MROH2A: variants seen among roughly 807,000 people sequenced by gnomAD.
The protein encoded by MROH2A is maestro heat-like repeat-containing protein family member 2A.
A neutral mutation model predicts 200.4 loss-of-function variants in MROH2A; 174 were observed. That is an observed-to-expected ratio of 0.87 (90% CI 0.77 to 0.98). The LOEUF (loss-of-function observed/expected upper bound fraction) is 0.98. Among genes scored for constraint, MROH2A ranks in the 50% least tolerant of loss-of-function variants. The pLI is 0.00. For missense variants in MROH2A, 2,045 were observed against 2,139.6 expected (o/e 0.96, Z 0.87); for synonymous variants, 829 against 840.4 (o/e 0.99, Z 0.23).
At chr2:233,802,401 C>T (rs2126129176) in intron 15 of MROH2A, 86 bp downstream of exon 15, 2 of 1,404,090 alleles carry the variant, frequency 1.4e-6, no homozygotes, top group African/African-American at 1.4e-5. Flanking sequence ...CCACATTCCT[C>T]CCACCCTCAT....
At chr2:233,813,824 G>T in intron 25 of MROH2A, 46 bp downstream of exon 25, 3 of 1,105,842 alleles carry the variant, frequency 2.7e-6, no homozygotes, top group Non-Finnish European at 4.0e-6. Context: ...GGACCTGGGA[G>T]TTAACATTAA....
chr2:233,777,451 T>C (rs1224377268), upstream of MROH2A, among the ~76,000 whole-genome samples: 17 of 152,206 alleles, frequency 1.1e-4, no homozygotes, highest in Admixed American at 1.1e-3. Flanking sequence ...GGGCATGGGA[T>C]AGCTGCTTGT....
rs575742221 is a variant in MROH2A, at chr2:233,794,454, C to G, written c.914C>G (p.Pro305Arg). ...DLREQVYDYI[P>R]LLLAEYQGSL... is the part of the protein sequence containing the mutation. ...CGGGAGCAGGTCTACGACTACATCC[C>G]CCTGCTGCTGGCGGAGTACCAGGGC... is the stretch of plus-strand genomic sequence containing the variant. The change falls in exon 8 of 42, where the codon CCC (proline) becomes CGC (arginine). Residue 305 changes from proline (P) to arginine (R), a missense_variant. By Grantham distance (103) the Pro-to-Arg change is moderately radical (BLOSUM62 -2). Coordinates refer to ENST00000389758, the MANE Select transcript of MROH2A (RefSeq NM_001394639.1). The G allele has an allele frequency of 6.5e-7, 1 of 1,550,282 alleles. No homozygotes were observed. Among genetic ancestry groups the G allele is most frequent in the Non-Finnish European group, 8.7e-7 (1 of 1,146,844 alleles).
At chr2:233,791,137 A>G (rs912204126) in intron 5 of MROH2A, among the ~76,000 whole-genome samples, 2 of 151,998 alleles carry the variant, frequency 1.3e-5, no homozygotes, top group African/African-American at 4.8e-5. Context: ...GATGAGGGGG[A>G]GCGTCAGGCA....
Position 233,816,780 on chromosome 2 carries a change from G to A in MROH2A, c.2857-1G>A. 1.9e-6 allele frequency: 3 copies of A among 1,549,224 alleles called. No homozygotes were observed. Among genetic ancestry groups the A allele is most frequent in the African/African-American group, 1.4e-5 (1 of 73,148 alleles). ...TTTGGTGTTCTGGGCTCTACCCATA[G>A]CTCCTGGAAAAGTGGATCTTGTCGG... is the stretch of plus-strand genomic sequence containing the variant. On this transcript the variant is annotated splice_acceptor_variant, in intron 26 of 41. Coordinates refer to ENST00000389758, the MANE Select transcript of MROH2A (RefSeq NM_001394639.1). LOFTEE classifies it high-confidence loss of function.
chr2:233,808,093 C>A (rs1702922086), intron 21 of MROH2A, among the ~76,000 whole-genome samples: 1 of 152,206 alleles, frequency 6.6e-6, no homozygotes. Context: ...CACGGAGTCC[C>A]AGCCCCTTGC....
At chr2:233,797,170 ATACT>A (rs1346304731) in intron 11 of MROH2A, among the ~76,000 whole-genome samples, 1 of 152,232 alleles carries the variant, frequency 6.6e-6, no homozygotes, top group African/African-American at 2.4e-5. Flanking sequence ...GCTGTGGGTT[ATACT>A]TTGCTTATTG....
Position 233,822,484 on chromosome 2 carries a change from C to T in MROH2A, c.3794C>T (p.Ala1265Val), listed in dbSNP as rs1056150115. Residue 1265 changes from alanine to valine, a missense_variant, in exon 33 of 42, where the codon GCC becomes GTC. Ala to Val is a moderately conservative substitution (Grantham distance 64). Around this residue, in one of 3 missense-constraint regions of MROH2A, gnomAD observed 1,201 missense variants for 1,311.3 expected, o/e 0.92. Coordinates refer to ENST00000389758, the MANE Select transcript of MROH2A (RefSeq NM_001394639.1). ...CTTGGAAGCAGCCACCGACCAGAGG[C>T]CGCCCCGCCGGTCTTGAAGATGTGG... ...LQLGSSHRPE[A>V]APPVLKMWKL... 2 of 1,550,416 alleles carry T rather than the reference C, an allele frequency of 1.3e-6. No homozygotes were observed. The highest frequency in any genetic ancestry group is 1.7e-6 in the Non-Finnish European group (2 of 1,147,016).
Position 233,794,524 on chromosome 2 carries a change from C to A in MROH2A, c.966+18C>A. On this transcript the variant is annotated intron_variant, in intron 8 of 41. Coordinates refer to ENST00000389758, the MANE Select transcript of MROH2A (RefSeq NM_001394639.1). ...TCACGCAGGCGAGTGGCCAGGCAGC[C>A]ACGGCTCTGGGCAGGAGGCTTAGGG... The A allele has an allele frequency of 7.3e-7, 1 of 1,378,726 alleles. No homozygotes were observed. The highest frequency in any genetic ancestry group is 1.0e-6 in the Non-Finnish European group (1 of 990,402). 85.4% of individuals were successfully genotyped at this position (1,378,726 alleles called of 1,614,324 possible). A position where few individuals can be genotyped will look rare whatever the true frequency, so the allele number is the denominator to read the frequency against.
At chr2:233,806,049 G>T (rs990804402) in intron 19 of MROH2A, among the ~76,000 whole-genome samples, 8 of 151,986 alleles carry the variant, frequency 5.3e-5, no homozygotes, top group Non-Finnish European at 1.0e-4. Flanking sequence ...GTGACAAAAA[G>T]AAATAAATTG....
chr2:233,815,845 C>CTTTTTTTTT (rs5839494), intron 26 of MROH2A, among the ~76,000 whole-genome samples: 2 of 129,252 alleles, frequency 1.5e-5, no homozygotes, highest in Non-Finnish European at 3.2e-5. Context: ...TTAGATTTTG[C>CTTTTTTTTT]TTTTTTTTTT....
rs61410558 is a variant in MROH2A at position 233,809,711 on chromosome 2, CTG to C, written c.2448+435_2448+436del. ...GAAAACACAGAGAATAAAGCAAAAA[CTG>C]TTTTTATTTTTTAAAACTATGGCAA... On this transcript the variant is annotated intron_variant, in intron 22 of 41. Coordinates refer to ENST00000389758, the MANE Select transcript of MROH2A (RefSeq NM_001394639.1). Among the ~76,000 whole-genome samples, 21 of 152,242 alleles carry C rather than the reference CTG, an allele frequency of 1.4e-4. No individual in the cohort carries two copies. The East Asian group carries it at 2.9e-3, about 21-fold the overall frequency.
At chr2:233,803,397 T>C in intron 15 of MROH2A, 51 bp from the exon 16 acceptor site, 1 of 1,547,206 alleles carries the variant, frequency 6.5e-7, no homozygotes, top group Non-Finnish European at 8.7e-7. Context: ...TAGGAGCATG[T>C]CCTGGTACAA....
At chr2:233,781,942 G>A (rs572864280) in intron 3 of MROH2A, among the ~76,000 whole-genome samples, 1 of 152,194 alleles carries the variant, frequency 6.6e-6, no homozygotes, top group Non-Finnish European at 1.5e-5. Context: ...TCTGCATATG[G>A]TTATCCAGTT....
rs548766889 is a variant in MROH2A, at chr2:233,789,301, A to G, written c.277-196A>G. Among the ~76,000 whole-genome samples, 6 of 152,316 alleles carry G rather than the reference A, an allele frequency of 3.9e-5. No homozygotes were observed. The South Asian group carries it at 1.2e-3, about 32-fold the overall frequency. On this transcript the variant is annotated intron_variant, in intron 3 of 41. Transcript: ENST00000389758. ...GCAGGAATACAGATACGCAAGTCAT[A>G]TTGACAGGGCCAGTGGGATGAGAAG... is the stretch of plus-strand genomic sequence containing the variant.
chr2:233,804,258 C>T (rs543807921), intron 17 of MROH2A, 66 bp downstream of exon 17: 2 of 1,531,114 alleles, frequency 1.3e-6, no homozygotes, highest in South Asian at 1.2e-5. Flanking sequence ...GGGTTCTAAT[C>T]ACATGACTTG....
Position 233,794,440 on chromosome 2 carries a change from C to T in MROH2A, c.900C>T (p.Val300=). The part of the protein sequence containing the change: ...LLPNDDLREQ[V]YDYIPLLLAE... ...CCAACGATGACCTGCGGGAGCAGGT[C>T]TACGACTACATCCCCCTGCTGCTGG... The change falls in exon 8 of 42, where the codon GTC becomes GTT. Residue 300 remains valine (V), a synonymous_variant. Coordinates refer to ENST00000389758, the MANE Select transcript of MROH2A (RefSeq NM_001394639.1). 1 of 1,550,498 alleles carries T rather than the reference C, an allele frequency of 6.4e-7. No homozygotes were observed. The highest frequency in any genetic ancestry group is 8.7e-7 in the Non-Finnish European group (1 of 1,146,916).
At position 233,805,087 on chromosome 2, in the gene MROH2A, C is replaced by T; in HGVS notation, c.2028C>T (p.Ser676=). The change falls in exon 19 of 42, where the codon AGC becomes AGT. Residue 676 remains serine (S), a synonymous_variant. Coordinates refer to ENST00000389758, the MANE Select transcript of MROH2A (RefSeq NM_001394639.1). The part of the protein sequence containing the change: ...LSKELNNQIA[S]FDSPSLEKGF... ...AAGAGCTGAACAACCAGATTGCGAG[C>T]TTTGACAGCCCCTCTCTGGAGAAGG... 6.5e-7 allele frequency: 1 copy of T among 1,549,744 alleles called. No individual in the cohort carries two copies.
At chr2:233,792,543 G>A (rs1484198449) in intron 5 of MROH2A, among the ~76,000 whole-genome samples, 2 of 152,072 alleles carry the variant, frequency 1.3e-5, no homozygotes, top group Non-Finnish European at 2.9e-5. Flanking sequence ...TCGATCTCCT[G>A]ACCTCGTGAT....
Sources: allele counts gnomAD v4.1 joint callset (sites outside exome capture counted in the v4.1 genomes callset), GRCh38; gene constraint gnomAD v4.1.1; regional missense constraint gnomAD v4.1.1; transcripts MANE v1.5; gene names NCBI Gene and HGNC (gene_info 2026-07-23, HGNC 2026-07-21).